Variants in JMJD1C observed in about 807,000 individuals in gnomAD.
JMJD1C encodes jumonji domain-containing protein 1C.
Under a neutral mutation model 245.3 loss-of-function variants are expected in JMJD1C, and 31 were observed. The ratio of observed to expected loss-of-function variants is 0.13; its 90% confidence interval spans 0.09 to 0.17. The LOEUF is 0.17. Ranked by LOEUF, JMJD1C falls within the 10% of genes least tolerant of loss-of-function variation. The pLI is 1.00. For synonymous variants in JMJD1C, 1,057 were observed against 1,017.4 expected (o/e 1.04, Z -0.74); for missense variants, 2,691 against 3,000.2 (o/e 0.90, Z 2.41).
At chr10:63,190,574 A>T (rs576099223) in intron 17 of JMJD1C, among the ~76,000 whole-genome samples, 1 of 152,104 alleles carries the variant, frequency 6.6e-6, no homozygotes, top group Admixed American at 6.5e-5. Context: ...TTTGACTTCT[A>T]ATTATTTTAA....
chr10:63,442,574 C>T (rs1172154932), intron 1 of JMJD1C, among the ~76,000 whole-genome samples: 4 of 152,032 alleles, frequency 2.6e-5, no homozygotes, highest in African/African-American at 4.8e-5. Context: ...AACCAGAAAA[C>T]GAAGAGAAAG....
intron 2 of JMJD1C, among the ~76,000 whole-genome samples, chr10:63,319,229 C>G (rs2134096888): frequency 6.9e-6 from 1 of 144,502 alleles, no homozygotes; most frequent in Non-Finnish European, 1.5e-5. Flanking sequence ...TGCACTCCAG[C>G]CTGGGCGACA....
At chr10:63,237,797 T>C (rs1051862683) in intron 3 of JMJD1C, among the ~76,000 whole-genome samples, 5 of 152,026 alleles carry the variant, frequency 3.3e-5, no homozygotes, top group African/African-American at 9.7e-5. Flanking sequence ...GTGTTTCAGA[T>C]TCTGGGGTTT....
At chr10:63,225,664 AG>A (rs1849177548) in intron 3 of JMJD1C, among the ~76,000 whole-genome samples, 1 of 151,888 alleles carries the variant, frequency 6.6e-6, no homozygotes, top group Non-Finnish European at 1.5e-5. Flanking sequence ...TGTGAATCCC[AG>A]CTACTGGGGA....
intron 3 of JMJD1C, among the ~76,000 whole-genome samples, chr10:63,236,929 C>T (rs1458796076): frequency 1.3e-5 from 2 of 152,074 alleles, no homozygotes; most frequent in African/African-American, 2.4e-5. Flanking sequence ...GCCTGGGAAA[C>T]AGAGAGACCC....
intron 5 of JMJD1C, among the ~76,000 whole-genome samples, chr10:63,215,941 GA>G (rs1357104975): frequency 2.6e-5 from 4 of 152,068 alleles, no homozygotes; most frequent in Admixed American, 2.6e-4. Flanking sequence ...AGTACATCTT[GA>G]AAAACAAGGG....
In JMJD1C at chr10:63,387,457, C is replaced by A. The variant is rs371286141; in HGVS notation, c.169-6975G>T. 2.6e-5 allele frequency among the ~76,000 whole-genome samples: 4 copies of A among 151,530 alleles called. No individual in the cohort carries two copies. The East Asian group carries it at 7.8e-4, about 29-fold the overall frequency. ...CAATTCAGGATATGAATGAAAAATTCACCAAAGAGACAGCATAAAAAAGGA... is the reference window on the plus strand; with the variant it reads ...CAATTCAGGATATGAATGAAAAATTAACCAAAGAGACAGCATAAAAAAGGA... On this transcript the variant is annotated intron_variant, in intron 1 of 25. Transcript: ENST00000399262.
In JMJD1C at chr10:63,207,243, T is replaced by C. The variant is rs1303661651; in HGVS notation, c.4426A>G (p.Thr1476Ala). 33 of 1,614,028 alleles carry C rather than the reference T, an allele frequency of 2.0e-5. No homozygotes were observed. The highest frequency in any genetic ancestry group is 2.7e-5 in the Non-Finnish European group (32 of 1,180,050). ...VVQPSSGFSG[T>A]TDFIHLKKHK... is the part of the protein sequence containing the mutation. ...TTTTTTAAATGGATAAAATCAGTTG[T>C]GCCTGAGAACCCAGAACTGGGTTGA... Residue 1476 changes from threonine (T) to alanine (A), a missense_variant, in exon 10 of 26, where the codon ACA becomes GCA. This residue lies in a region of JMJD1C where 1,562 missense variants were observed against 1,490.7 expected (regional missense o/e 1.05). Coordinates refer to ENST00000399262, the MANE Select transcript of JMJD1C (RefSeq NM_032776.3).
At chr10:63,314,696 G>C (rs1939708749) in intron 2 of JMJD1C, among the ~76,000 whole-genome samples, 1 of 151,344 alleles carries the variant, frequency 6.6e-6, no homozygotes, top group Admixed American at 6.6e-5. Flanking sequence ...CGCCCAGGCT[G>C]GAGTGTAATG....
intron 21 of JMJD1C, 101 bp from the exon 22 acceptor site, chr10:63,183,670 T>A: frequency 1.5e-6 from 1 of 651,472 alleles, no homozygotes; most frequent in Non-Finnish European, 2.3e-6. Context: ...AATTTAATTG[T>A]AATTTGAGTT....
chr10:63,213,955 A>C lies in JMJD1C; in HGVS notation c.2212T>G (p.Phe738Val), dbSNP rs753950177. The C allele has an allele frequency of 9.3e-6, 15 of 1,613,942 alleles. No individual in the cohort carries two copies. The East Asian group carries it at 3.3e-4, about 36-fold the overall frequency. ...HISPFLSQHP[F>V]PLHSSSHRTC... ...CTATGAGATGAGGAGTGAAGAGGAAAAGGATGCTGGCTTAGGAAAGGTGAA... is the reference window on the plus strand; with the variant it reads ...CTATGAGATGAGGAGTGAAGAGGAACAGGATGCTGGCTTAGGAAAGGTGAA... The change falls in exon 8 of 26, where the codon TTT (phenylalanine) becomes GTT (valine). Residue 738 changes from phenylalanine to valine, a missense_variant. Phe to Val is a conservative substitution (Grantham distance 50). Coordinates refer to ENST00000399262, the MANE Select transcript of JMJD1C (RefSeq NM_032776.3).
At chr10:63,368,919 A>T (rs1946075025) in intron 2 of JMJD1C, among the ~76,000 whole-genome samples, 1 of 151,866 alleles carries the variant, frequency 6.6e-6, no homozygotes, top group Non-Finnish European at 1.5e-5. Flanking sequence ...AAGTGCTGGG[A>T]TTATAGGCAT....
At chr10:63,445,072 A>G (rs977835959) in intron 1 of JMJD1C, among the ~76,000 whole-genome samples, 3 of 152,002 alleles carry the variant, frequency 2.0e-5, no homozygotes, top group African/African-American at 7.3e-5. Context: ...ACAAAAAAAC[A>G]ATTAAAAAAA....
At chr10:63,221,354 A>T (rs1308180672) in intron 3 of JMJD1C, among the ~76,000 whole-genome samples, 2 of 152,086 alleles carry the variant, frequency 1.3e-5, no homozygotes, top group Admixed American at 1.3e-4. Flanking sequence ...CTGTATTTTT[A>T]GAATAGTATT....
intron 1 of JMJD1C, among the ~76,000 whole-genome samples, chr10:63,501,635 G>C (rs1334175760): frequency 6.6e-6 from 1 of 152,120 alleles, no homozygotes; most frequent in Admixed American, 6.5e-5. Flanking sequence ...AATTAGCCAG[G>C]CATGGTGGCG....
At chr10:63,244,817 A>AGGGG (rs370952932) in intron 3 of JMJD1C, among the ~76,000 whole-genome samples, 6 of 52,914 alleles carry the variant, frequency 1.1e-4, no homozygotes, top group East Asian at 4.4e-4. Context: ...TTAAAAAAAA[A>AGGGG]GGGGGGGGGA....
At chr10:63,477,267 A>C (rs941050322) in intron 1 of JMJD1C, among the ~76,000 whole-genome samples, 1 of 152,174 alleles carries the variant, frequency 6.6e-6, no homozygotes, top group African/African-American at 2.4e-5. Context: ...TAAGATGAAG[A>C]AACTGGAACA....
Position 63,190,985 on chromosome 10 carries a change from C to T in JMJD1C, c.6200G>A (p.Arg2067Gln), listed in dbSNP as rs549653106. 1.4e-5 allele frequency: 23 copies of T among 1,614,146 alleles called. No homozygotes were observed. The South Asian group carries it at 1.8e-4, about 12-fold the overall frequency. The change falls in exon 17 of 26, where the codon CGG (arginine) becomes CAG (glutamine). Residue 2067 changes from arginine to glutamine, a missense_variant. This residue lies in a region of JMJD1C where 275 missense variants were observed against 285.5 expected (regional missense o/e 0.96). Transcript: ENST00000399262. ...SQNNEQGSTLRDLLTTTAGKL... is the reference protein window; with the variant it reads ...SQNNEQGSTLQDLLTTTAGKL... Reference sequence around the variant, plus strand: ...TCCAGCTGTTGTAGTCAGCAAATCCCGTAAGGTTGAGCCTTGTTCATTATT... The same window carrying T: ...TCCAGCTGTTGTAGTCAGCAAATCCTGTAAGGTTGAGCCTTGTTCATTATT...
intron 24 of JMJD1C, among the ~76,000 whole-genome samples, chr10:63,171,306 G>A (rs558565983): frequency 9.9e-5 from 15 of 152,110 alleles, no homozygotes; most frequent in Non-Finnish European, 1.5e-4. Flanking sequence ...GAGTTTCACA[G>A]ACTGAGTCCC....
Sources: allele counts gnomAD v4.1 joint callset (sites outside exome capture counted in the v4.1 genomes callset), GRCh38; gene constraint gnomAD v4.1.1; regional missense constraint gnomAD v4.1.1; transcripts MANE v1.5; gene names NCBI Gene and HGNC (gene_info 2026-07-23, HGNC 2026-07-21).